Variants in CCDC61 observed in about 807,000 individuals in gnomAD.
CCDC61 encodes the protein coiled-coil domain containing 61.
A neutral mutation model predicts 63.0 loss-of-function variants in CCDC61; 55 were observed. That is an observed-to-expected ratio of 0.87 (90% CI 0.70 to 1.09). The LOEUF is 1.09. Ranked by LOEUF, CCDC61 falls within the 50% of genes least tolerant of loss-of-function variation. The probability of loss-of-function intolerance (pLI) is 0.00; values close to 1 mark genes in which losing one functional copy is unlikely to be tolerated. For synonymous variants in CCDC61, 270 were observed against 317.0 expected (o/e 0.85, Z 1.58); for missense variants, 651 against 731.4 (o/e 0.89, Z 1.27).
At position 46,015,496 on chromosome 19, in the gene CCDC61, G is replaced by T; in HGVS notation, c.845+69G>T. 7.5e-7 allele frequency: 1 copy of T among 1,340,814 alleles called. No individual in the cohort carries two copies. The highest frequency in any genetic ancestry group is 1.3e-5 in the South Asian group (1 of 74,098). The allele number at this position is 1,340,814 out of a possible 1,614,324, so 83.1% of individuals were successfully genotyped here. A position where few individuals can be genotyped will look rare whatever the true frequency, so the allele number is the denominator to read the frequency against. ...CTGAGGGTGTGGAGGCTGATGAGGC[G>T]GAGCCTAAGGGGGCGGGGCGGGGCC... On this transcript the variant is annotated intron_variant, in intron 7 of 13. Coordinates refer to ENST00000595358, the MANE Select transcript of CCDC61 (RefSeq NM_001267723.2). The surrounding 1 kb of genome is among the most constrained non-coding windows in gnomAD (Gnocchi z 5.3).
At position 45,997,374 on chromosome 19, in the gene CCDC61, C is replaced by T. The variant is rs13343613; in HGVS notation, c.-12+1870C>T. Among the ~76,000 whole-genome samples, 1,177 of 152,218 alleles carry T rather than the reference C, an allele frequency of 7.7e-3. 20 individuals carry two copies. Among genetic ancestry groups the T allele is most frequent in the African/African-American group, 0.027 (1,119 of 41,506 alleles). On this transcript the variant is annotated intron_variant, in intron 1 of 13. Transcript: ENST00000595358. ...TTGGCTTTATTTTTCTTCATAACAC[C>T]ACTACCTGATATAGATTATTATTAT...
intron 4 of CCDC61, among the ~76,000 whole-genome samples, chr19:46,007,819 A>G (rs1872198078): frequency 6.6e-6 from 1 of 152,210 alleles, no homozygotes; most frequent in South Asian, 2.1e-4. Context: ...CATCTGAATT[A>G]GGATTGCGTT....
In CCDC61 at chr19:46,016,364, G is replaced by A; in HGVS notation, c.1062G>A (p.Lys354=). ...RFDPTAFVKA[K]ERKQREIQMK... ...ACCCCACGGCCTTTGTGAAAGCCAA[G>A]GAAAGGAAGCAGAGAGAGATCCAGA... Residue 354 remains lysine, a synonymous_variant, in exon 9 of 14, where the codon AAG becomes AAA. Transcript: ENST00000595358. This position sits in a 1 kb window ranked among gnomAD's most constrained non-coding sequence, Gnocchi z 7.2. 1.2e-6 allele frequency: 2 copies of A among 1,613,976 alleles called. No homozygotes were observed. The highest frequency in any genetic ancestry group is 2.2e-5 in the East Asian group (1 of 44,850).
chr19:46,003,630 TTTC>T (rs1600642444), intron 3 of CCDC61, 129 bp downstream of exon 3: 1 of 581,508 alleles, frequency 1.7e-6, no homozygotes. Context: ...GGGCGATCAT[TTTC>T]TTCTTTTGCC....
chr19:46,003,523 T>TG, intron 3 of CCDC61, 22 bp downstream of exon 3: 70 of 1,014,614 alleles, frequency 6.9e-5, no homozygotes, highest in Middle Eastern at 2.4e-4. Context: ...GTTGGCGGGT[T>TG]GGGGTGGGAG....
intron 4 of CCDC61, 56 bp downstream of exon 4, chr19:46,006,772 G>T (rs1968720293): frequency 4.6e-6 from 7 of 1,525,714 alleles, no homozygotes; most frequent in Non-Finnish European, 6.2e-6. Flanking sequence ...GGGAGAGGAT[G>T]TGGGTAGGCC....
intron 4 of CCDC61, among the ~76,000 whole-genome samples, 179 bp from the exon 5 acceptor site, chr19:46,007,961 G>T (rs1342317055): frequency 1.3e-5 from 2 of 152,212 alleles, no homozygotes; most frequent in Non-Finnish European, 2.9e-5. Flanking sequence ...CACAGGTGGT[G>T]ACTGGAACAA....
rs1341304214 is a variant in CCDC61, at chr19:46,018,156, C to G, written c.1441+6C>G. 6.2e-7 allele frequency: 1 copy of G among 1,601,234 alleles called. No homozygotes were observed. Among genetic ancestry groups the G allele is most frequent in the Non-Finnish European group, 8.5e-7 (1 of 1,174,366 alleles). ...GGGCTGGGTCCCCATCAAAGGTGAG[C>G]CTGGGACTCCACATCCCCTCTCCCA... On this transcript the variant is annotated splice_donor_region_variant and intron_variant, in intron 13 of 13. Coordinates refer to ENST00000595358, the MANE Select transcript of CCDC61 (RefSeq NM_001267723.2). This position sits in a 1 kb window ranked among gnomAD's most constrained non-coding sequence, Gnocchi z 4.2.
At chr19:46,001,451 T>A (rs766260837) in intron 1 of CCDC61, among the ~76,000 whole-genome samples, 1 of 152,204 alleles carries the variant, frequency 6.6e-6, no homozygotes, top group Non-Finnish European at 1.5e-5. Flanking sequence ...GGTCTCGAGC[T>A]GACCTCAAAT....
intron 1 of CCDC61, among the ~76,000 whole-genome samples, chr19:45,999,135 A>G (rs1968544943): frequency 1.3e-5 from 2 of 152,200 alleles, no homozygotes; most frequent in Admixed American, 1.3e-4. Flanking sequence ...ATAAGTGTGC[A>G]TGGTCCTTAT....
chr19:46,016,756 C>A lies in CCDC61; in HGVS notation c.1154C>A (p.Ser385Tyr). 6.3e-7 allele frequency: 1 copy of A among 1,591,568 alleles called. No individual in the cohort carries two copies. Among genetic ancestry groups the A allele is most frequent in the Non-Finnish European group, 8.5e-7 (1 of 1,169,920 alleles). ...GGGGACGGTCCGTCCGTCTCCTGGT[C>A]TCGCCAGACCCAGCCCCCTGCTGCC... ...GSGDGPSVSW[S>Y]RQTQPPAALT... Residue 385 changes from serine to tyrosine, a missense_variant, in exon 10 of 14, where the codon TCT becomes TAT. Physicochemically the swap from Ser to Tyr is moderately radical, Grantham distance 144 (BLOSUM62 -2). Coordinates refer to ENST00000595358, the MANE Select transcript of CCDC61 (RefSeq NM_001267723.2). This position sits in a 1 kb window ranked among gnomAD's most constrained non-coding sequence, Gnocchi z 7.2.
intron 3 of CCDC61, among the ~76,000 whole-genome samples, chr19:46,004,360 A>G (rs1296213910): frequency 6.6e-6 from 1 of 152,238 alleles, no homozygotes; most frequent in Non-Finnish European, 1.5e-5. Context: ...TGTGGGGGAC[A>G]CTGGCGATAC....
chr19:46,001,426 C>T (rs1568686896), intron 1 of CCDC61, among the ~76,000 whole-genome samples: 1 of 152,250 alleles, frequency 6.6e-6, no homozygotes, highest in East Asian at 1.9e-4. Context: ...GAGGTTTCAC[C>T]ATGTTGGCGA....
intron 5 of CCDC61, among the ~76,000 whole-genome samples, chr19:46,010,793 C>A (rs1171664972): frequency 6.6e-6 from 1 of 152,220 alleles, no homozygotes; most frequent in Admixed American, 6.5e-5. Context: ...ACCCCCTGCC[C>A]TGTAGCAAAT....
chr19:46,002,865 A>G, intron 1 of CCDC61, 143 bp from the exon 2 acceptor site: 1 of 739,558 alleles, frequency 1.4e-6, no homozygotes, highest in African/African-American at 1.8e-5. Flanking sequence ...CCAGATGAGG[A>G]AACTAAGGCA....
chr19:46,017,984 C>A, intron 12 of CCDC61, 94 bp from the exon 13 acceptor site: 2 of 1,158,210 alleles, frequency 1.7e-6, no homozygotes, highest in Non-Finnish European at 1.2e-6. Flanking sequence ...TATTTTTCCC[C>A]AAGGTCCTTA....
At chr19:46,017,172 A>G in intron 11 of CCDC61, 75 bp from the exon 12 acceptor site, 1 of 1,542,130 alleles carries the variant, frequency 6.5e-7, no homozygotes. Context: ...GGGGGCCTTG[A>G]AACCACAAAG....
chr19:46,016,811 C>T lies in CCDC61; in HGVS notation c.1209C>T (p.Arg403=), dbSNP rs144277506. ...ALTGRGDAPN[R]SRNRSSSVDS... ...CTGGCCGAGGGGACGCCCCTAACCG[C>T]TCCCGAAACCGCAGCTCCTCAGGTA... is the stretch of plus-strand genomic sequence containing the variant. Residue 403 remains arginine (R), a synonymous_variant, in exon 10 of 14, where the codon CGC becomes CGT. Transcript: ENST00000595358. This position sits in a 1 kb window ranked among gnomAD's most constrained non-coding sequence, Gnocchi z 7.2. 26,728 of 1,523,130 alleles carry T rather than the reference C, an allele frequency of 0.018. 298 individuals carry two copies. The highest frequency in any genetic ancestry group is 0.036 in the Middle Eastern group (194 of 5,436). The allele number at this position is 1,523,130 out of a possible 1,614,324, so 94.4% of individuals were successfully genotyped here. A position where few individuals can be genotyped will look rare whatever the true frequency, so the allele number is the denominator to read the frequency against.
chr19:46,006,542 C>T lies in CCDC61; in HGVS notation c.232-17C>T, dbSNP rs1481355928. On this transcript the variant is annotated splice_polypyrimidine_tract_variant and intron_variant, in intron 3 of 13. Transcript: ENST00000595358. Reference sequence around the variant, plus strand: ...GTGGCGGGTGCTGTGGCAGCTCCTCCTCTCCTCTCCTGACAGAGTAGTGAG... The same window carrying T: ...GTGGCGGGTGCTGTGGCAGCTCCTCTTCTCCTCTCCTGACAGAGTAGTGAG... 2 of 1,493,356 alleles carry T rather than the reference C, an allele frequency of 1.3e-6. No individual in the cohort carries two copies. Among genetic ancestry groups the T allele is most frequent in the South Asian group, 1.3e-5 (1 of 75,482 alleles). The allele number at this position is 1,493,356 out of a possible 1,614,324, so 92.5% of individuals were successfully genotyped here.
Sources: gnomAD v4.1 joint callset for allele counts (sites outside exome capture counted in the v4.1 genomes callset) on GRCh38, gnomAD v4.1.1 for gene constraint, Gnocchi (gnomAD v3.1) non-coding constraint, MANE v1.5 for transcripts, NCBI Gene and HGNC (gene_info 2026-07-23, HGNC 2026-07-21) for gene names.